Variants in IRAK2 observed in about 807,000 individuals in gnomAD.
IRAK2 encodes the protein interleukin-1 receptor-associated kinase-like 2.
Under a neutral mutation model 72.0 loss-of-function variants are expected in IRAK2, and 57 were observed. The observed-to-expected ratio is 0.79, with a 90% CI of 0.64 to 0.99. The LOEUF is 0.99. Ranked by LOEUF, IRAK2 falls within the 50% of genes least tolerant of loss-of-function variation. IRAK2 has a pLI of 0.00. For missense variants in IRAK2, 790 were observed against 794.4 expected, an observed-to-expected ratio of 0.99 and a Z score of 0.07; for synonymous variants, 293 against 312.7, an observed-to-expected ratio of 0.94 and a Z score of 0.67.
intron 10 of IRAK2, among the ~76,000 whole-genome samples, chr3:10,227,727 G>GCT (rs761943512): frequency 6.6e-6 from 1 of 150,414 alleles, no homozygotes; most frequent in Non-Finnish European, 1.5e-5. Flanking sequence ...GCAGTGCAGT[G>GCT]GTGCAATCTC....
chr3:10,174,764 A>G (rs1410388102), intron 1 of IRAK2, among the ~76,000 whole-genome samples: 2 of 151,984 alleles, frequency 1.3e-5, no homozygotes, highest in Non-Finnish European at 2.9e-5. Flanking sequence ...AACTTAGGTG[A>G]TCCGCCCACC....
Position 10,217,006 on chromosome 3 carries a change from C to T in IRAK2, c.861C>T (p.Pro287=), listed in dbSNP as rs759636001. The T allele has an allele frequency of 2.5e-6, 4 of 1,613,998 alleles. No individual in the cohort carries two copies. The African/African-American group carries it at 5.3e-5, about 22-fold the overall frequency. The change falls in exon 7 of 13, where the codon CCC becomes CCT. Residue 287 remains proline (P), a synonymous_variant. Coordinates refer to ENST00000256458, the MANE Select transcript of IRAK2 (RefSeq NM_001570.4). Reference sequence around the variant, plus strand: ...GACAGTTTCACAGCTTCATCTACCCCTACATGGCAAATGGTTCCCTACAGG... The same window carrying T: ...GACAGTTTCACAGCTTCATCTACCCTTACATGGCAAATGGTTCCCTACAGG... ...AARQFHSFIY[P]YMANGSLQDR... is the part of the protein sequence containing the mutation.
intron 4 of IRAK2, 45 bp downstream of exon 4, chr3:10,209,737 C>T (rs781411553): frequency 2.2e-5 from 26 of 1,187,354 alleles, no homozygotes; most frequent in African/African-American, 4.8e-5. Context: ...TGTCTCCCAG[C>T]GTGTAGTTCC....
intron 2 of IRAK2, among the ~76,000 whole-genome samples, chr3:10,188,151 A>C (rs543388658): frequency 9.2e-5 from 14 of 152,248 alleles, no homozygotes; most frequent in African/African-American, 3.1e-4. Context: ...AGAGCTGATT[A>C]AGTGCCACCA....
intron 11 of IRAK2, among the ~76,000 whole-genome samples, chr3:10,237,439 G>A (rs1225424182): frequency 6.6e-6 from 1 of 152,110 alleles, no homozygotes; most frequent in Non-Finnish European, 1.5e-5. Flanking sequence ...TGGCTGGGTG[G>A]CTTTAGGCAG....
rs190293432 is a variant in IRAK2 at position 10,228,747 on chromosome 3, G to A, written c.1272+2314G>A. 1.3e-3 allele frequency among the ~76,000 whole-genome samples: 203 copies of A among 152,248 alleles called. 1 individual carries two copies. Among genetic ancestry groups the A allele is most frequent in the Non-Finnish European group, 2.1e-3 (141 of 68,014 alleles). On this transcript the variant is annotated intron_variant, in intron 10 of 12. Coordinates refer to ENST00000256458, the MANE Select transcript of IRAK2 (RefSeq NM_001570.4). ...AAGCTTGCTGATTTCCTGTGGCCCA[G>A]GGTAGGAGGAAGCAGGCCTCCTCCA...
At chr3:10,165,309 G>A (rs900438676) in intron 1 of IRAK2, among the ~76,000 whole-genome samples, 18 of 152,154 alleles carry the variant, frequency 1.2e-4, no homozygotes, top group Non-Finnish European at 2.2e-4. Flanking sequence ...GGGTACGGGG[G>A]CCCTCCTGTC....
chr3:10,202,637 AG>A (rs1187377885), intron 3 of IRAK2, among the ~76,000 whole-genome samples: 4 of 151,400 alleles, frequency 2.6e-5, no homozygotes, highest in African/African-American at 9.7e-5. Flanking sequence ...TAAAAATAAA[AG>A]TAAAATAAAC....
intron 3 of IRAK2, among the ~76,000 whole-genome samples, chr3:10,205,351 G>T (rs1697420048): frequency 1.3e-5 from 2 of 152,160 alleles, no homozygotes; most frequent in Admixed American, 6.5e-5. Context: ...GGTCCTGTCT[G>T]ATTTTCCAGA....
intron 2 of IRAK2, among the ~76,000 whole-genome samples, chr3:10,190,069 GA>G (rs1477878936): frequency 6.6e-6 from 1 of 151,496 alleles, no homozygotes; most frequent in East Asian, 1.9e-4. Flanking sequence ...GAGGCTCAGA[GA>G]TTAAGTAATT....
chr3:10,178,316 G>C (rs2125142796), intron 2 of IRAK2, among the ~76,000 whole-genome samples: 1 of 152,186 alleles, frequency 6.6e-6, no homozygotes, highest in Non-Finnish European at 1.5e-5. Context: ...AATTAGCTGG[G>C]CTTGGTGGCC....
intron 1 of IRAK2, among the ~76,000 whole-genome samples, chr3:10,174,932 C>CAA (rs771089899): frequency 4.2e-5 from 6 of 143,238 alleles, no homozygotes; most frequent in Non-Finnish European, 7.6e-5. Context: ...ATGCCTGTAC[C>CAA]AAAAAAAAAA....
chr3:10,234,082 G>A (rs1235509927), intron 10 of IRAK2, among the ~76,000 whole-genome samples: 2 of 152,082 alleles, frequency 1.3e-5, no homozygotes, highest in South Asian at 2.1e-4. Flanking sequence ...AGGCTGGCTC[G>A]AACTCCTGAC....
chr3:10,238,924 G>A lies in IRAK2; in HGVS notation c.1650G>A (p.Gly550=). 6.2e-7 allele frequency: 1 copy of A among 1,614,070 alleles called. No individual in the cohort carries two copies. The highest frequency in any genetic ancestry group is 8.5e-7 in the Non-Finnish European group (1 of 1,179,988). The change falls in exon 12 of 13, where the codon GGG becomes GGA. Residue 550 remains glycine (G), a synonymous_variant. Coordinates refer to ENST00000256458, the MANE Select transcript of IRAK2 (RefSeq NM_001570.4). The stretch of plus-strand genomic sequence containing the variant: ...CCATGAGTGTGGCACCCTGGGCAGG[G>A]GCTGCCACCCCACTTCTCCCCACAG... ...SSSMSVAPWA[G]AATPLLPTEN...
chr3:10,177,766 G>A, intron 1 of IRAK2, 72 bp from the exon 2 acceptor site: 2 of 1,458,524 alleles, frequency 1.4e-6, no homozygotes, highest in Non-Finnish European at 1.9e-6. Flanking sequence ...CCCAGCTAGG[G>A]GCTAGTGTGG....
At chr3:10,210,615 G>C (rs1559447958) in intron 4 of IRAK2, among the ~76,000 whole-genome samples, 6 of 151,732 alleles carry the variant, frequency 4.0e-5, no homozygotes. Flanking sequence ...TCCCAGGTGT[G>C]GTGTCACATG....
chr3:10,189,438 C>T (rs952891871), intron 2 of IRAK2, among the ~76,000 whole-genome samples: 10 of 152,196 alleles, frequency 6.6e-5, no homozygotes, highest in Admixed American at 6.5e-4. Flanking sequence ...GGAGTATCCC[C>T]TGTTTTGGCC....
intron 4 of IRAK2, 54 bp downstream of exon 4, chr3:10,209,746 C>G (rs1697489957): frequency 9.7e-6 from 11 of 1,136,778 alleles, no homozygotes; most frequent in Non-Finnish European, 1.3e-5. Flanking sequence ...GCGTGTAGTT[C>G]CCTCTCAAAA....
Position 10,177,474 on chromosome 3 carries a change from T to C in IRAK2, c.95-364T>C, listed in dbSNP as rs11465861. Among the ~76,000 whole-genome samples the C allele has an allele frequency of 2.3e-4, 35 of 152,100 alleles. 2 individuals carry two copies. The East Asian group carries it at 2.5e-3, about 11-fold the overall frequency. On this transcript the variant is annotated intron_variant, in intron 1 of 12. Transcript: ENST00000256458. ...GGGAAGTAACAGTGAACCAAACAGG[T>C]AGAGCTCCCTGCCTACACGGACCTT...
Sources: gnomAD v4.1 joint callset for allele counts (sites outside exome capture counted in the v4.1 genomes callset) on GRCh38, gnomAD v4.1.1 for gene constraint, MANE v1.5 for transcripts, NCBI Gene and HGNC (gene_info 2026-07-23, HGNC 2026-07-21) for gene names.